ZDHHC11B: variants seen among roughly 807,000 people sequenced by gnomAD.
The protein encoded by ZDHHC11B is zDHHC palmitoyltransferase 11B (putative), also known as probable palmitoyltransferase ZDHHC11B.
Under a neutral mutation model 42.3 loss-of-function variants are expected in ZDHHC11B, and 17 were observed. The ratio of observed to expected loss-of-function variants is 0.40; its 90% CI spans 0.27 to 0.60. ZDHHC11B has a LOEUF of 0.60. Among genes scored for constraint, ZDHHC11B ranks in the 20% least tolerant of loss-of-function variants. The pLI is 0.41. For missense variants in ZDHHC11B, 262 were observed against 463.2 expected (o/e 0.57, Z 3.99); for synonymous variants, 123 against 193.5 (o/e 0.64, Z 3.02).
chr5:749,428 G>C (rs1745311950), intron 7 of ZDHHC11B, among the ~76,000 whole-genome samples: 1 of 130,152 alleles, frequency 7.7e-6, no homozygotes, highest in African/African-American at 2.5e-5. Context: ...ATGTCTTTGG[G>C]TGACGGACCC....
At chr5:745,029 A>T (rs533298027) in intron 9 of ZDHHC11B, among the ~76,000 whole-genome samples, 154 bp downstream of exon 9, 117 of 146,490 alleles carry the variant, frequency 8.0e-4, no homozygotes, top group African/African-American at 2.7e-3. Flanking sequence ...AGACACACCC[A>T]TGCACAGAGC....
intron 4 of ZDHHC11B, among the ~76,000 whole-genome samples, chr5:766,447 C>T (rs1735387371): frequency 6.6e-6 from 1 of 151,890 alleles, no homozygotes; most frequent in African/African-American, 2.4e-5. Flanking sequence ...TCAGTGGCTG[C>T]TCTGTCCACC....
rs1741323031 is a variant in ZDHHC11B at position 710,982 on chromosome 5, A to T, written c.*1308T>A. The T allele has an allele frequency of 7.1e-6, 1 of 140,366 alleles. No individual in the cohort carries two copies. The highest frequency in any genetic ancestry group is 7.4e-5 in the Admixed American group (1 of 13,434). 8.7% of individuals were successfully genotyped at this position (140,366 alleles called of 1,614,324 possible). ...CAGTACTGTGCTCCCATTTCCAAAT[A>T]CTGTGCTCCATTTCCCAGTACTGTG... On this transcript the variant is annotated 3_prime_UTR_variant, in exon 14 of 14. Transcript: ENST00000508859.
intron 12 of ZDHHC11B, among the ~76,000 whole-genome samples, chr5:722,576 G>C (rs56059227): frequency 1.3e-5 from 2 of 151,346 alleles, no homozygotes; most frequent in Non-Finnish European, 2.9e-5. Context: ...TGCTGTGAGA[G>C]TGTAACATGT....
At chr5:780,384 C>A (rs1338486155) in intron 1 of ZDHHC11B, among the ~76,000 whole-genome samples, 2 of 151,090 alleles carry the variant, frequency 1.3e-5, no homozygotes, top group Non-Finnish European at 2.9e-5. Context: ...CAGCGGGCAT[C>A]CCCGTGGGAG....
intron 4 of ZDHHC11B, among the ~76,000 whole-genome samples, chr5:761,370 T>C (rs1342761474): frequency 6.6e-6 from 1 of 151,828 alleles, no homozygotes; most frequent in Non-Finnish European, 1.5e-5. Flanking sequence ...TGTGGATTTC[T>C]GGGCCCTGGA....
chr5:725,406 GC>G (rs1254444161), intron 12 of ZDHHC11B, among the ~76,000 whole-genome samples: 7 of 135,172 alleles, frequency 5.2e-5, no homozygotes, highest in African/African-American at 1.9e-4. Context: ...TGTTGCCTAA[GC>G]CCCCGGTGTG....
At chr5:730,717 G>C (rs1336208373) in intron 11 of ZDHHC11B, among the ~76,000 whole-genome samples, 6 of 151,682 alleles carry the variant, frequency 4.0e-5, no homozygotes, top group African/African-American at 1.5e-4. Context: ...ACCTCAGAAT[G>C]TGACTATATG....
At chr5:772,997 A>T (rs1368674267) in intron 1 of ZDHHC11B, among the ~76,000 whole-genome samples, 1 of 151,976 alleles carries the variant, frequency 6.6e-6, no homozygotes, top group Non-Finnish European at 1.5e-5. Flanking sequence ...GAAGACAGCC[A>T]GGCTGCTGCT....
intron 13 of ZDHHC11B, among the ~76,000 whole-genome samples, chr5:715,868 G>A (rs1306566174): frequency 8.6e-5 from 13 of 151,686 alleles, no homozygotes; most frequent in South Asian, 2.1e-4. Flanking sequence ...GCACCCAGAC[G>A]GCTGTGGGAG....
At chr5:754,186 CGTCT>C (rs1746201108) in intron 6 of ZDHHC11B, among the ~76,000 whole-genome samples, 1 of 91,436 alleles carries the variant, frequency 1.1e-5, no homozygotes, top group African/African-American at 4.3e-5. Context: ...AAACATCTCT[CGTCT>C]ATGAGCCTCC....
At chr5:752,019 C>A (rs1304124662) in intron 6 of ZDHHC11B, among the ~76,000 whole-genome samples, 3 of 123,422 alleles carry the variant, frequency 2.4e-5, no homozygotes, top group African/African-American at 5.2e-5. Flanking sequence ...TCTGCCCGCA[C>A]CTCCCGACTC....
chr5:717,674 GA>G (rs1741857324), intron 12 of ZDHHC11B, among the ~76,000 whole-genome samples: 1 of 151,820 alleles, frequency 6.6e-6, no homozygotes, highest in African/African-American at 2.4e-5. Context: ...AAGCAAGAGG[GA>G]AACCTTTCTT....
intron 10 of ZDHHC11B, among the ~76,000 whole-genome samples, chr5:739,901 T>C (rs1327509024): frequency 1.3e-5 from 2 of 150,590 alleles, no homozygotes; most frequent in Non-Finnish European, 3.0e-5. Context: ...ATGTGATATA[T>C]ATTTGTGATC....
At position 724,379 on chromosome 5, in the gene ZDHHC11B, T is replaced by TA. The variant is rs1742409662; in HGVS notation, c.1058+6054_1058+6055insT. On this transcript the variant is annotated intron_variant, in intron 12 of 13. Transcript: ENST00000508859. ...GCCATCAAACCCAGCTAATTTTTTT[T>TA]TTTTTTTTTTTTTTTTGAGACAGTC... is the stretch of plus-strand genomic sequence containing the variant. Among the ~76,000 whole-genome samples, 4 of 139,582 alleles carry TA rather than the reference T, an allele frequency of 2.9e-5. No individual in the cohort carries two copies. The South Asian group carries it at 1.0e-3, about 35-fold the overall frequency. 91.6% of individuals were successfully genotyped at this position (139,582 alleles called of 152,430 possible).
At chr5:765,719 G>A (rs1735214798) in intron 4 of ZDHHC11B, among the ~76,000 whole-genome samples, 1 of 151,922 alleles carries the variant, frequency 6.6e-6, no homozygotes, top group African/African-American at 2.4e-5. Context: ...CGCAGTGAAG[G>A]TCTGCAGCTT....
chr5:716,037 G>A (rs1741725726), intron 13 of ZDHHC11B, among the ~76,000 whole-genome samples: 1 of 150,578 alleles, frequency 6.6e-6, no homozygotes, highest in South Asian at 2.1e-4. Flanking sequence ...GAAGCATTGT[G>A]AGAAGGCAGG....
chr5:745,427 A>G, intron 8 of ZDHHC11B, 129 bp from the exon 9 acceptor site: 2 of 806,688 alleles, frequency 2.5e-6, no homozygotes, highest in Non-Finnish European at 4.0e-6. Flanking sequence ...TGCTCCGCCC[A>G]CCATGCAGGC....
intron 4 of ZDHHC11B, among the ~76,000 whole-genome samples, chr5:756,837 G>C (rs550842764): frequency 1.9e-4 from 29 of 151,738 alleles, no homozygotes; most frequent in South Asian, 2.1e-4. Context: ...CCCTCTCCCC[G>C]AGACTTGCTC....
Sources: gnomAD v4.1 joint callset for allele counts (sites outside exome capture counted in the v4.1 genomes callset) on GRCh38, gnomAD v4.1.1 for gene constraint, MANE v1.5 for transcripts, NCBI Gene and HGNC (gene_info 2026-07-23, HGNC 2026-07-21) for gene names.